Variants in SMYD3 observed in about 807,000 individuals in gnomAD.
The protein encoded by SMYD3 is SET and MYND domain containing 3.
In SMYD3, 36 loss-of-function variants were observed where a neutral mutation model predicts 57.7. The observed-to-expected ratio is 0.62, with a 90% CI of 0.48 to 0.82. SMYD3 has a LOEUF of 0.82. Ranked by LOEUF, SMYD3 falls within the 40% of genes least tolerant of loss-of-function variation. The pLI, the probability that SMYD3 is intolerant of heterozygous loss-of-function variation, is 0.00. For synonymous variants in SMYD3, 211 were observed against 195.0 expected, an observed-to-expected ratio of 1.08 and a Z score of -0.68; for missense variants, 515 against 538.8, an observed-to-expected ratio of 0.96 and a Z score of 0.44.
At chr1:245,793,302 A>G (rs2047379865) in intron 10 of SMYD3, among the ~76,000 whole-genome samples, 1 of 150,378 alleles carries the variant, frequency 6.6e-6, no homozygotes, top group Non-Finnish European at 1.5e-5. Context: ...CTCCGTCCCA[A>G]AAAAAAAAAC....
chr1:245,986,464 A>G (rs2058707050), intron 5 of SMYD3, among the ~76,000 whole-genome samples: 1 of 152,208 alleles, frequency 6.6e-6, no homozygotes, highest in Non-Finnish European at 1.5e-5. Flanking sequence ...AGCTGGTCCA[A>G]GTTTTATAGA....
At chr1:245,969,635 A>T (rs2058245952) in intron 5 of SMYD3, among the ~76,000 whole-genome samples, 1 of 152,250 alleles carries the variant, frequency 6.6e-6, no homozygotes, top group African/African-American at 2.4e-5. Context: ...GGCCAGGAAC[A>T]CGGATTCCTC....
At chr1:246,316,378 T>A (rs1219618165) in intron 5 of SMYD3, among the ~76,000 whole-genome samples, 13 of 148,968 alleles carry the variant, frequency 8.7e-5, no homozygotes, top group Non-Finnish European at 1.6e-4. Context: ...TTTTTTTTTT[T>A]GAGAGAGTTT....
chr1:245,986,917 A>G (rs1185116353), intron 5 of SMYD3, among the ~76,000 whole-genome samples: 1 of 152,250 alleles, frequency 6.6e-6, no homozygotes, highest in Non-Finnish European at 1.5e-5. Context: ...GACAAATATA[A>G]GTAAAACTTG....
At chr1:246,256,469 T>G (rs759736979) in intron 5 of SMYD3, among the ~76,000 whole-genome samples, 2 of 152,226 alleles carry the variant, frequency 1.3e-5, no homozygotes, top group African/African-American at 4.8e-5. Flanking sequence ...TTTGTGTGCA[T>G]AGAGGTGTTC....
chr1:246,235,295 A>G (rs376862525), intron 5 of SMYD3, among the ~76,000 whole-genome samples: 2 of 152,204 alleles, frequency 1.3e-5, no homozygotes, highest in African/African-American at 4.8e-5. Flanking sequence ...CAGTGCCCCA[A>G]AATTGAAGAA....
chr1:245,954,374 G>C (rs866415650), intron 5 of SMYD3, among the ~76,000 whole-genome samples: 1 of 152,106 alleles, frequency 6.6e-6, no homozygotes, highest in Non-Finnish European at 1.5e-5. Context: ...AAAAGGGGAC[G>C]ATAAAGAAAG....
intron 8 of SMYD3, among the ~76,000 whole-genome samples, chr1:245,912,007 C>T (rs2055028055): frequency 6.6e-6 from 1 of 152,024 alleles, no homozygotes; most frequent in South Asian, 2.1e-4. Flanking sequence ...GTACAACTAT[C>T]ATATATCAAT....
intron 5 of SMYD3, among the ~76,000 whole-genome samples, chr1:246,226,076 C>G (rs2063326149): frequency 6.6e-6 from 1 of 152,076 alleles, no homozygotes; most frequent in South Asian, 2.1e-4. Context: ...CCAATCTGTT[C>G]TTTGAAGTTT....
At chr1:246,505,949 C>T (rs531588319) in intron 1 of SMYD3, among the ~76,000 whole-genome samples, 3 of 152,320 alleles carry the variant, frequency 2.0e-5, no homozygotes, top group South Asian at 2.1e-4. Flanking sequence ...CAGATGTTTT[C>T]GCTGTTATCA....
chr1:246,102,450 C>T (rs551692467), intron 5 of SMYD3, among the ~76,000 whole-genome samples: 187 of 152,274 alleles, frequency 1.2e-3, no homozygotes, highest in Non-Finnish European at 1.9e-3. Context: ...AGGGTAAACC[C>T]TTTAATCGCT....
intron 10 of SMYD3, among the ~76,000 whole-genome samples, chr1:245,828,679 C>T (rs2049646925): frequency 6.7e-6 from 1 of 150,206 alleles, no homozygotes; most frequent in Admixed American, 6.6e-5. Context: ...GCTTCTGATA[C>T]ATATTAGGAC....
chr1:245,781,867 G>C (rs2046839210), intron 10 of SMYD3, among the ~76,000 whole-genome samples: 1 of 152,144 alleles, frequency 6.6e-6, no homozygotes, highest in Admixed American at 6.5e-5. Flanking sequence ...TACTTGGGAA[G>C]CTGAAGCAGG....
In SMYD3 at chr1:245,960,727, C is replaced by CTAAATAAATAAA. The variant is rs61051860; in HGVS notation, c.532-30802_532-30791dup. Among the ~76,000 whole-genome samples the CTAAATAAATAAA allele has an allele frequency of 4.4e-3, 657 of 150,570 alleles. 5 individuals are homozygous for CTAAATAAATAAA. The highest frequency in any genetic ancestry group is 0.03 in the East Asian group (153 of 5,032). ...GGGTGACAGAAACCAGACTCTGTCT[C>CTAAATAAATAAA]TAAATAAATAAATAAATAAATAAAT... On this transcript the variant is annotated intron_variant, in intron 5 of 11. Transcript: ENST00000490107.
At chr1:245,816,304 G>T (rs1479821445) in intron 10 of SMYD3, among the ~76,000 whole-genome samples, 1 of 151,912 alleles carries the variant, frequency 6.6e-6, no homozygotes, top group African/African-American at 2.4e-5. Flanking sequence ...GGGTGGCTAG[G>T]GGGTGGACAG....
intron 5 of SMYD3, among the ~76,000 whole-genome samples, chr1:246,299,556 C>A (rs2064856388): frequency 6.6e-6 from 1 of 152,034 alleles, no homozygotes; most frequent in South Asian, 2.1e-4. Flanking sequence ...TTCATCGCAG[C>A]ACTATTCACA....
chr1:245,767,735 G>A (rs2148072155), intron 10 of SMYD3, among the ~76,000 whole-genome samples: 1 of 152,350 alleles, frequency 6.6e-6, no homozygotes. Context: ...AGGCCAGGCT[G>A]TGCAGAGGCA....
Position 245,807,391 on chromosome 1 carries a change from G to T in SMYD3, c.1077-43242C>A, listed in dbSNP as rs1558365099. Among the ~76,000 whole-genome samples the T allele has an allele frequency of 1.3e-5, 2 of 152,250 alleles. 1 individual carries two copies. The highest frequency in any genetic ancestry group is 3.9e-4 in the East Asian group (2 of 5,190). ...GGAGAGGAAGAAGAAGAGAGAAAAA[G>T]AAACATTTGGCCAAGGCCAGAAAGG... On this transcript the variant is annotated intron_variant, in intron 10 of 11. Coordinates refer to ENST00000490107, the MANE Select transcript of SMYD3 (RefSeq NM_001167740.2).
At chr1:246,422,403 A>G (rs2067156700) in intron 1 of SMYD3, among the ~76,000 whole-genome samples, 1 of 149,270 alleles carries the variant, frequency 6.7e-6, no homozygotes, top group Non-Finnish European at 1.5e-5. Flanking sequence ...ATTAGTGACA[A>G]AGGCTACAAT....
Sources: allele counts gnomAD v4.1 joint callset (sites outside exome capture counted in the v4.1 genomes callset), GRCh38; gene constraint gnomAD v4.1.1; transcripts MANE v1.5; gene names NCBI Gene and HGNC (gene_info 2026-07-23, HGNC 2026-07-21).